The following SPPL3 variants were observed in gnomAD, a reference collection of about 807,000 sequenced individuals.
SPPL3 encodes the protein signal peptide peptidase like 3.
In SPPL3, 5 loss-of-function variants were observed where a neutral mutation model predicts 42.4. That is an observed-to-expected ratio of 0.12 (90% confidence interval 0.06 to 0.25). The LOEUF is 0.25. Among genes scored for constraint, SPPL3 ranks in the 10% least tolerant of loss-of-function variants. The pLI is 1.00. For missense variants in SPPL3, 235 were observed against 489.0 expected, an observed-to-expected ratio of 0.48 and a Z score of 4.90; for synonymous variants, 195 against 181.8, an observed-to-expected ratio of 1.07 and a Z score of -0.58.
intron 2 of SPPL3, among the ~76,000 whole-genome samples, chr12:120,807,428 C>G (rs1022113489): frequency 1.3e-5 from 2 of 152,078 alleles, no homozygotes; most frequent in African/African-American, 4.8e-5. Flanking sequence ...GTAATCCCAG[C>G]ACTTTGGGAG....
intron 3 of SPPL3, among the ~76,000 whole-genome samples, chr12:120,788,904 CTAT>C (rs1324854042): frequency 6.6e-6 from 1 of 152,166 alleles, no homozygotes; most frequent in Non-Finnish European, 1.5e-5. Context: ...ATCTTTCTGG[CTAT>C]TATTTCTTTG....
intron 1 of SPPL3, among the ~76,000 whole-genome samples, chr12:120,857,857 T>C (rs914482597): frequency 6.6e-6 from 1 of 152,146 alleles, no homozygotes; most frequent in Non-Finnish European, 1.5e-5. Context: ...AAACAGCTAA[T>C]GCATGCGGGG....
At chr12:120,834,415 G>A (rs1871538447) in intron 1 of SPPL3, among the ~76,000 whole-genome samples, 1 of 152,034 alleles carries the variant, frequency 6.6e-6, no homozygotes, top group Admixed American at 6.6e-5. Flanking sequence ...GTGGTTGGTG[G>A]GGACTCTGCC....
intron 1 of SPPL3, among the ~76,000 whole-genome samples, chr12:120,847,504 G>A (rs1290558469): frequency 1.3e-5 from 2 of 152,090 alleles, no homozygotes; most frequent in African/African-American, 4.8e-5. Flanking sequence ...TGTTGCCCAG[G>A]CTGGTCTAGA....
intron 2 of SPPL3, among the ~76,000 whole-genome samples, chr12:120,804,130 G>C (rs10849792): frequency 0.085 from 12,946 of 152,090 alleles, 788 homozygotes; most frequent in East Asian, 0.3. Context: ...ACCTAAGAAA[G>C]CATTGGTAGG....
chr12:120,873,668 T>C (rs1449293513), intron 1 of SPPL3, among the ~76,000 whole-genome samples: 1 of 151,668 alleles, frequency 6.6e-6, no homozygotes, highest in African/African-American at 2.4e-5. Context: ...AGGTCAGGAG[T>C]TCCAGACCAG....
intron 1 of SPPL3, among the ~76,000 whole-genome samples, chr12:120,867,684 T>C (rs949037876): frequency 4.7e-5 from 7 of 150,496 alleles, no homozygotes; most frequent in Non-Finnish European, 8.9e-5. Flanking sequence ...ACATACTTAA[T>C]GGTGCTGAGA....
Position 120,783,251 on chromosome 12 carries a change from C to T in SPPL3, c.389+423G>A, listed in dbSNP as rs115328563. ...GAATTTTGTTTCCGTGCAGCAATGA[C>T]TTTCAGAGTTAAGGTGTGAACACTA... is the stretch of plus-strand genomic sequence containing the variant. On this transcript the variant is annotated intron_variant, in intron 5 of 10. Coordinates refer to ENST00000353487, the MANE Select transcript of SPPL3 (RefSeq NM_139015.5). Among the ~76,000 whole-genome samples the T allele has an allele frequency of 3.4e-3, 511 of 152,282 alleles. 3 individuals are homozygous for T. Among genetic ancestry groups the T allele is most frequent in the African/African-American group, 0.012 (495 of 41,550 alleles).
Position 120,790,807 on chromosome 12 carries a change from T to C in SPPL3, c.190+662A>G, listed in dbSNP as rs1592963846. Among the ~76,000 whole-genome samples, 6 of 150,038 alleles carry C rather than the reference T, an allele frequency of 4.0e-5. No individual in the cohort carries two copies. In the East Asian group the frequency reaches 1.2e-3, roughly 29 times the overall value. ...CATATATAGGAGGTGAAGAGGTATT[T>C]GCCCTCTCTATCTTGGCACTTTTTT... On this transcript the variant is annotated intron_variant, in intron 3 of 10. Transcript: ENST00000353487.
chr12:120,843,548 A>T (rs1384435306), intron 1 of SPPL3, among the ~76,000 whole-genome samples: 1 of 152,182 alleles, frequency 6.6e-6, no homozygotes, highest in Non-Finnish European at 1.5e-5. Context: ...GTTCCTGCTC[A>T]GTCACATCTG....
At position 120,904,105 on chromosome 12, in the gene SPPL3, CGCGGCG is replaced by C; in HGVS notation, c.-244_-239del. The C allele has an allele frequency of 9.8e-6, 3 of 305,436 alleles. No homozygotes were observed. Among genetic ancestry groups the C allele is most frequent in the Non-Finnish European group, 1.8e-5 (3 of 167,834 alleles). 18.9% of individuals were successfully genotyped at this position (305,436 alleles called of 1,614,324 possible). On this transcript the variant is annotated 5_prime_UTR_variant, in exon 1 of 11. Transcript: ENST00000353487. ...GGCTCCGCTCTCGGCCTCCCTCACC[CGCGGCG>C]GCGGCGGCGGCTCCGCTGCAGCTCC... is the stretch of plus-strand genomic sequence containing the variant.
intron 1 of SPPL3, among the ~76,000 whole-genome samples, chr12:120,877,673 C>CG (rs999998567): frequency 2.6e-5 from 4 of 151,014 alleles, no homozygotes; most frequent in East Asian, 3.9e-4. Context: ...CTCAGCTACT[C>CG]GGGGGGCTGA....
chr12:120,823,222 T>TGG lies in SPPL3; in HGVS notation c.24-12338_24-12337dup, dbSNP rs141850502. Among the ~76,000 whole-genome samples the TGG allele has an allele frequency of 4.6e-4, 49 of 106,448 alleles. 1 individual carries two copies. Among genetic ancestry groups the TGG allele is most frequent in the South Asian group, 1.6e-3 (4 of 2,544 alleles). The allele number at this position is 106,448 out of a possible 152,430, so 69.8% of individuals were successfully genotyped here. A position where few individuals can be genotyped will look rare whatever the true frequency, so the allele number is the denominator to read the frequency against. Reference sequence around the variant, plus strand: ...AGAGTGTGTGTGTGGGGGTGGGGGGTGGGGGGGCGGCGGCGGTGGCGGGGA... The same window carrying TGG: ...AGAGTGTGTGTGTGGGGGTGGGGGGTGGGGGGGGGCGGCGGCGGTGGCGGGGA... On this transcript the variant is annotated intron_variant, in intron 1 of 10. Coordinates refer to ENST00000353487, the MANE Select transcript of SPPL3 (RefSeq NM_139015.5).
At chr12:120,876,603 C>A (rs187333261) in intron 1 of SPPL3, among the ~76,000 whole-genome samples, 4 of 104,422 alleles carry the variant, frequency 3.8e-5, no homozygotes, top group South Asian at 3.6e-4. Context: ...TGTGACAGAG[C>A]GAGACTCTGT....
chr12:120,812,106 G>GGA (rs1555249619), intron 1 of SPPL3, among the ~76,000 whole-genome samples: 97 of 140,704 alleles, frequency 6.9e-4, no homozygotes, highest in African/African-American at 2.3e-3. Context: ...CCATTTAGTG[G>GGA]AAAAAAAAAA....
intron 1 of SPPL3, among the ~76,000 whole-genome samples, chr12:120,900,869 C>T (rs1217141103): frequency 6.9e-6 from 1 of 145,212 alleles, no homozygotes; most frequent in African/African-American, 2.6e-5. Flanking sequence ...CTGCAGTGAG[C>T]TTAGATCGGG....
chr12:120,889,925 C>G (rs1173513730), intron 1 of SPPL3, among the ~76,000 whole-genome samples: 1 of 152,110 alleles, frequency 6.6e-6, no homozygotes, highest in Non-Finnish European at 1.5e-5. Flanking sequence ...TTAAGACATC[C>G]CATATTCTTC....
intron 1 of SPPL3, among the ~76,000 whole-genome samples, chr12:120,841,532 G>A (rs993038661): frequency 6.6e-6 from 1 of 152,000 alleles, no homozygotes; most frequent in African/African-American, 2.4e-5. Flanking sequence ...TATGATAAAC[G>A]AAAGGCCAAG....
At chr12:120,895,534 T>C (rs1398046980) in intron 1 of SPPL3, among the ~76,000 whole-genome samples, 1 of 152,220 alleles carries the variant, frequency 6.6e-6, no homozygotes, top group African/African-American at 2.4e-5. Flanking sequence ...GACTATTATT[T>C]CTTTTTATAT....
Sources: gnomAD v4.1 joint callset for allele counts (sites outside exome capture counted in the v4.1 genomes callset) on GRCh38, gnomAD v4.1.1 for gene constraint, MANE v1.5 for transcripts, NCBI Gene and HGNC (gene_info 2026-07-23, HGNC 2026-07-21) for gene names.